The following BAHCC1 variants were observed in gnomAD, a reference collection of about 807,000 sequenced individuals.
BAHCC1 encodes BAH and coiled-coil domain-containing protein 1.
In BAHCC1, 43 loss-of-function variants were observed where a neutral mutation model predicts 88.2. The observed-to-expected ratio is 0.49, with a 90% CI of 0.38 to 0.63. The LOEUF (loss-of-function observed/expected upper bound fraction) is 0.63, where lower values mean the gene tolerates loss of function less well. BAHCC1 is among the 20% of genes least tolerant of loss of function. The pLI, the probability that BAHCC1 is intolerant of heterozygous loss-of-function variation, is 0.00. For missense variants in BAHCC1, 3,023 were observed against 1,654.8 expected (o/e 1.83, Z -14.34); for synonymous variants, 1,510 against 745.5 (o/e 2.03, Z -16.71).
chr17:81,449,517 G>A (rs1353713431), intron 11 of BAHCC1, among the ~76,000 whole-genome samples: 1 of 152,232 alleles, frequency 6.6e-6, no homozygotes, highest in Non-Finnish European at 1.5e-5. Flanking sequence ...CCATCTGGGT[G>A]AGGCCACGTG....
chr17:81,411,553 T>A lies in BAHCC1; in HGVS notation c.178+11636T>A, dbSNP rs1598457220. 2.4e-6 allele frequency: 1 copy of A among 410,230 alleles called. No homozygotes were observed. The highest frequency in any genetic ancestry group is 4.8e-6 in the Non-Finnish European group (1 of 207,730). 25.4% of individuals were successfully genotyped at this position (410,230 alleles called of 1,614,324 possible). On this transcript the variant is annotated intron_variant, in intron 2 of 27. Transcript: ENST00000675386. This position sits in a 1 kb window ranked among gnomAD's most constrained non-coding sequence, Gnocchi z 6.2. ...CTTCCTTCCTTCCTTCCTTCCTTCC[T>A]TCCTTCCTTCCTTCCTTCCTTGAGA...
At chr17:81,417,666 A>T (rs980231124) in intron 2 of BAHCC1, among the ~76,000 whole-genome samples, 1 of 150,684 alleles carries the variant, frequency 6.6e-6, no homozygotes, top group Non-Finnish European at 1.5e-5. Flanking sequence ...GGCTGAGCCC[A>T]TCCTGTCATC....
Position 81,458,840 on chromosome 17 carries a change from C to T in BAHCC1, c.5476C>T (p.Leu1826=), listed in dbSNP as rs782164532. The change falls in exon 20 of 28, where the codon CTG becomes TTG. Residue 1826 remains leucine (L), a synonymous_variant. Transcript: ENST00000675386. ...CAAGGGCCGGGCCGTGAGCCGCCTGCTGGAAAGCTTCGCCGTGGAGGAAGA... is the reference window on the plus strand; with the variant it reads ...CAAGGGCCGGGCCGTGAGCCGCCTGTTGGAAAGCTTCGCCGTGGAGGAAGA... The part of the protein sequence containing the change: ...QGKGRAVSRL[L]ESFAVEEDFE... The T allele has an allele frequency of 7.8e-6, 6 of 768,108 alleles. No individual in the cohort carries two copies. Among genetic ancestry groups the T allele is most frequent in the African/African-American group, 3.4e-5 (2 of 58,946 alleles). 47.6% of individuals were successfully genotyped at this position (768,108 alleles called of 1,614,324 possible). A position where few individuals can be genotyped will look rare whatever the true frequency, so the allele number is the denominator to read the frequency against.
Position 81,461,095 on chromosome 17 carries a change from G to A in BAHCC1, c.6432G>A (p.Val2144=). 1.3e-6 allele frequency: 1 copy of A among 768,208 alleles called. No homozygotes were observed. The highest frequency in any genetic ancestry group is 2.4e-6 in the Non-Finnish European group (1 of 416,966). The allele number at this position is 768,208 out of a possible 1,614,324, so 47.6% of individuals were successfully genotyped here. A position where few individuals can be genotyped will look rare whatever the true frequency, so the allele number is the denominator to read the frequency against. Residue 2144 remains valine, a synonymous_variant, in exon 26 of 28, where the codon GTG becomes GTA. Coordinates refer to ENST00000675386, the MANE Select transcript of BAHCC1 (RefSeq NM_001377448.1). ...AREALFPVHS[V]ATPIFGNGFR... ...AGGCCCTGTTCCCCGTGCACAGCGT[G>A]GCCACACCCATATTTGGCAACGGCT...
At position 81,462,969 on chromosome 17, in the gene BAHCC1, A is replaced by T. The variant is rs2030431043; in HGVS notation, c.7613A>T (p.Asp2538Val). 1 of 780,274 alleles carries T rather than the reference A, an allele frequency of 1.3e-6. No homozygotes were observed. The highest frequency in any genetic ancestry group is 1.7e-5 in the African/African-American group (1 of 59,138). The allele number at this position is 780,274 out of a possible 1,614,324, so 48.3% of individuals were successfully genotyped here. Reference protein sequence around the residue: ...EETKLGKRQCDGKNALYQSCH... With the variant: ...EETKLGKRQCVGKNALYQSCH... ...ACCAAGCTGGGCAAGAGGCAGTGCG[A>T]CGGCAAGGTGAGGCCCGGACAGGTG... The change falls in exon 27 of 28, where the codon GAC (aspartate) becomes GTC (valine). Residue 2538 changes from aspartate to valine, a missense_variant. By Grantham distance (152) the Asp-to-Val change is radical (BLOSUM62 -3). Coordinates refer to ENST00000675386, the MANE Select transcript of BAHCC1 (RefSeq NM_001377448.1).
chr17:81,439,095 G>A (rs1231670383), intron 4 of BAHCC1, among the ~76,000 whole-genome samples: 1 of 152,170 alleles, frequency 6.6e-6, no homozygotes, highest in African/African-American at 2.4e-5. Context: ...GGGGCCTTGG[G>A]GAAGAGGAAG....
chr17:81,414,379 G>T (rs1037658551), intron 2 of BAHCC1, among the ~76,000 whole-genome samples: 5 of 152,218 alleles, frequency 3.3e-5, no homozygotes, highest in African/African-American at 1.2e-4. Flanking sequence ...CCAGCATCAC[G>T]GCCCGGACCC....
At chr17:81,424,291 G>A (rs530235792) in intron 2 of BAHCC1, among the ~76,000 whole-genome samples, 24 of 152,328 alleles carry the variant, frequency 1.6e-4, no homozygotes, top group Admixed American at 3.3e-4. Context: ...GCTGACACAG[G>A]GCCTATGGCT....
In BAHCC1 at chr17:81,462,741, G is replaced by A. The variant is rs782768076; in HGVS notation, c.7385G>A (p.Arg2462Gln). 1.1e-5 allele frequency: 8 copies of A among 753,136 alleles called. No individual in the cohort carries two copies. The highest frequency in any genetic ancestry group is 1.7e-5 in the Admixed American group (1 of 57,740). 46.7% of individuals were successfully genotyped at this position (753,136 alleles called of 1,614,324 possible). A position where few individuals can be genotyped will look rare whatever the true frequency, so the allele number is the denominator to read the frequency against. The change falls in exon 27 of 28, where the codon CGG (arginine) becomes CAG (glutamine). Residue 2462 changes from arginine to glutamine, a missense_variant and splice_region_variant. By Grantham distance (43) the Arg-to-Gln change is conservative. Transcript: ENST00000675386. ...CCACCCTGCCCATGTCCCCCACAGC[G>A]GCGTGGCATGAAGGGGAAGGCCCGG... ...LWKWSGNPTQ[R>Q]RGMKGKARKL...
chr17:81,407,907 G>A (rs1478616962), intron 2 of BAHCC1, among the ~76,000 whole-genome samples: 1 of 152,214 alleles, frequency 6.6e-6, no homozygotes, highest in East Asian at 1.9e-4. Flanking sequence ...TGGCCCCTGG[G>A]AAAGCCAGGT....
rs782801370 is a variant in BAHCC1 at position 81,434,061 on chromosome 17, G to A, written c.359-4309G>A. ...GGAGCAGGGACCACTTGCCAGGCCAGGGGTCTCCCGGGACTCCCCTGGGGT... is the reference window on the plus strand; with the variant it reads ...GGAGCAGGGACCACTTGCCAGGCCAAGGGTCTCCCGGGACTCCCCTGGGGT... On this transcript the variant is annotated intron_variant, in intron 3 of 27. Transcript: ENST00000675386. The surrounding 1 kb of genome is among the most constrained non-coding windows in gnomAD (Gnocchi z 4.9). Among the ~76,000 whole-genome samples, 6 of 152,210 alleles carry A rather than the reference G, an allele frequency of 3.9e-5. No homozygotes were observed. Among genetic ancestry groups the A allele is most frequent in the Non-Finnish European group, 7.4e-5 (5 of 68,026 alleles).
intron 10 of BAHCC1, among the ~76,000 whole-genome samples, chr17:81,446,343 G>A (rs1278153360): frequency 2.0e-5 from 3 of 151,558 alleles, no homozygotes; most frequent in African/African-American, 7.3e-5. Context: ...GCTTGTTCTG[G>A]TTCAGGGAAA....
At chr17:81,463,564 G>T (rs374865961) in intron 27 of BAHCC1, 47 bp from the exon 28 acceptor site, 1 of 773,746 alleles carries the variant, frequency 1.3e-6, no homozygotes, top group Admixed American at 1.7e-5. Context: ...GGGCAGGGGC[G>T]CACTGGCCAA....
rs549396371 is a variant in BAHCC1, at chr17:81,404,483, T to C, written c.178+4566T>C. On this transcript the variant is annotated intron_variant, in intron 2 of 27. Transcript: ENST00000675386. ...GGGGAGGGGATGCCGAGGCTGGGGC[T>C]CCTGGCAGCAGGGTCATTGTCCCCT... Among the ~76,000 whole-genome samples, 6 of 152,308 alleles carry C rather than the reference T, an allele frequency of 3.9e-5. No homozygotes were observed. The East Asian group carries it at 1.2e-3, about 29-fold the overall frequency.
At chr17:81,439,956 T>G (rs12602555) in intron 4 of BAHCC1, among the ~76,000 whole-genome samples, 82,420 of 151,976 alleles carry the variant, frequency 0.54, 23,381 homozygotes, top group Non-Finnish European at 0.61. Context: ...CTGCACTTCC[T>G]CGCCTGCAGG....
At chr17:81,458,571 G>C (rs2029945641) in intron 18 of BAHCC1, 50 bp from the exon 19 acceptor site, 1 of 697,632 alleles carries the variant, frequency 1.4e-6, no homozygotes, top group African/African-American at 1.8e-5. Context: ...GGGTCAACCT[G>C]AGGCTGTCCC....
intron 14 of BAHCC1, among the ~76,000 whole-genome samples, chr17:81,453,628 C>T (rs1291879909): frequency 2.0e-5 from 3 of 151,764 alleles, no homozygotes; most frequent in African/African-American, 7.3e-5. Flanking sequence ...GCCCAGGTGT[C>T]TCCTGGGGGG....
At chr17:81,417,464 C>T (rs1188189809) in intron 2 of BAHCC1, among the ~76,000 whole-genome samples, 2 of 152,002 alleles carry the variant, frequency 1.3e-5, no homozygotes, top group African/African-American at 2.4e-5. Flanking sequence ...TGTGCCCCAC[C>T]CTCAGTCCCC....
intron 8 of BAHCC1, 43 bp from the exon 9 acceptor site, chr17:81,444,972 C>T (rs2064495957): frequency 2.8e-6 from 2 of 704,742 alleles, no homozygotes; most frequent in South Asian, 1.5e-5. Flanking sequence ...CCGGAGCTGT[C>T]CCCTCCCCAG....
Sources: gnomAD v4.1 joint callset for allele counts (sites outside exome capture counted in the v4.1 genomes callset) on GRCh38, gnomAD v4.1.1 for gene constraint, Gnocchi (gnomAD v3.1) non-coding constraint, MANE v1.5 for transcripts, NCBI Gene and HGNC (gene_info 2026-07-23, HGNC 2026-07-21) for gene names.